Variants in ABCA13 observed in about 807,000 individuals in gnomAD.
The protein encoded by ABCA13 is ATP-binding cassette sub-family A member 13.
A neutral mutation model predicts 478.7 loss-of-function variants in ABCA13; 476 were observed. That is an observed-to-expected ratio of 0.99 (90% CI 0.92 to 1.07). The LOEUF is 1.07. ABCA13 is among the 50% of genes least tolerant of loss of function. The probability of loss-of-function intolerance (pLI) is 0.00; values close to 1 mark genes in which losing one functional copy is unlikely to be tolerated. For missense variants in ABCA13, 6,060 were observed against 5,910.6 expected, an observed-to-expected ratio of 1.03 and a Z score of -0.83; for synonymous variants, 2,252 against 2,158.9, an observed-to-expected ratio of 1.04 and a Z score of -1.20.
chr7:48,173,003 G>A (rs987251872), intron 1 of ABCA13, among the ~76,000 whole-genome samples: 2 of 151,924 alleles, frequency 1.3e-5, no homozygotes, highest in African/African-American at 2.4e-5. Flanking sequence ...GTGGAAGTTG[G>A]TTCCCAGGCA....
chr7:48,403,696 G>A lies in ABCA13; in HGVS notation c.11887G>A (p.Val3963Met), dbSNP rs774739412. 7 of 1,613,946 alleles carry A rather than the reference G, an allele frequency of 4.3e-6. No individual in the cohort carries two copies. The East Asian group carries it at 1.6e-4, about 36-fold the overall frequency. Residue 3963 changes from valine (V) to methionine (M), a missense_variant, in exon 39 of 62, where the codon GTG becomes ATG. Val to Met is a conservative substitution (Grantham distance 21). This residue lies in a region of ABCA13 where 1,627 missense variants were observed against 1,571.0 expected (regional missense o/e 1.04). Transcript: ENST00000435803. Reference sequence around the variant, plus strand: ...TTCTAATTTCAGAACTCTTCAGGATGTGGACTTAACTCAGCATCAGCACAA... The same window carrying A: ...TTCTAATTTCAGAACTCTTCAGGATATGGACTTAACTCAGCATCAGCACAA... ...HQQVNQTLQDVDLTQHQHKQT... is the reference protein window; with the variant it reads ...HQQVNQTLQDMDLTQHQHKQT...
rs567882474 is a variant in ABCA13, at chr7:48,364,619, G to T, written c.10689-3175G>T. ...ACTACTCTACTTTCTACCTCAATGA[G>T]TTCATTTTATTTTTAGCTCCCACGT... is the stretch of plus-strand genomic sequence containing the variant. On this transcript the variant is annotated intron_variant, in intron 31 of 61. Transcript: ENST00000435803. Among the ~76,000 whole-genome samples, 5 of 152,054 alleles carry T rather than the reference G, an allele frequency of 3.3e-5. No individual in the cohort carries two copies. In the East Asian group the frequency reaches 9.7e-4, roughly 29 times the overall value.
chr7:48,624,515 G>T (rs1793474843), intron 59 of ABCA13, among the ~76,000 whole-genome samples: 2 of 130,754 alleles, frequency 1.5e-5, no homozygotes, highest in African/African-American at 6.2e-5. Context: ...GAGGATAAAG[G>T]CTGTGTATTT....
At chr7:48,387,241 G>A (rs1387481286) in intron 35 of ABCA13, among the ~76,000 whole-genome samples, 3 of 152,050 alleles carry the variant, frequency 2.0e-5, no homozygotes, top group Non-Finnish European at 4.4e-5. Flanking sequence ...TGTTAATAAT[G>A]AAATCCCTTT....
intron 27 of ABCA13, among the ~76,000 whole-genome samples, chr7:48,332,419 A>G (rs926200653): frequency 6.6e-6 from 1 of 152,224 alleles, no homozygotes; most frequent in African/African-American, 2.4e-5. Context: ...TTACCACTTC[A>G]AACCAGGTAT....
At position 48,387,973 on chromosome 7, in the gene ABCA13, A is replaced by C. The variant is rs900655406; in HGVS notation, c.11473+14A>C. 6.3e-6 allele frequency: 10 copies of C among 1,591,342 alleles called. No individual in the cohort carries two copies. The highest frequency in any genetic ancestry group is 7.7e-6 in the Non-Finnish European group (9 of 1,173,158). On this transcript the variant is annotated intron_variant, in intron 36 of 61. Coordinates refer to ENST00000435803, the MANE Select transcript of ABCA13 (RefSeq NM_152701.5). Reference sequence around the variant, plus strand: ...TTGACAATAAAGGTTTGTAAGGAGTAGAATTATTAGATGCATGTATTTTTC... The same window carrying C: ...TTGACAATAAAGGTTTGTAAGGAGTCGAATTATTAGATGCATGTATTTTTC...
At chr7:48,268,485 T>G (rs1377612736) in intron 15 of ABCA13, among the ~76,000 whole-genome samples, 1 of 152,174 alleles carries the variant, frequency 6.6e-6, no homozygotes, top group Non-Finnish European at 1.5e-5. Flanking sequence ...GGTGTTTTCT[T>G]CCATGGTCTC....
chr7:48,607,533 G>A (rs1251661321), intron 58 of ABCA13, among the ~76,000 whole-genome samples: 3 of 152,184 alleles, frequency 2.0e-5, no homozygotes, highest in East Asian at 1.9e-4. Flanking sequence ...CTTGGTTTTC[G>A]TTAGTTCTTT....
chr7:48,300,485 C>T (rs544012032), intron 23 of ABCA13, among the ~76,000 whole-genome samples: 123 of 152,244 alleles, frequency 8.1e-4, no homozygotes, highest in Non-Finnish European at 1.5e-3. Context: ...AAATAGAACA[C>T]AACAATGAGG....
At chr7:48,554,585 T>C (rs924409445) in intron 55 of ABCA13, among the ~76,000 whole-genome samples, 2 of 151,784 alleles carry the variant, frequency 1.3e-5, no homozygotes, top group Non-Finnish European at 3.0e-5. Context: ...TATTTGTGGT[T>C]ATATTAAATG....
At chr7:48,624,875 T>G (rs1216129779) in intron 59 of ABCA13, among the ~76,000 whole-genome samples, 2 of 152,148 alleles carry the variant, frequency 1.3e-5, no homozygotes, top group Non-Finnish European at 2.9e-5. Context: ...TTTTTCTTTC[T>G]TTCTTTCTTT....
At chr7:48,630,817 G>GTTT (rs55908191) in intron 59 of ABCA13, among the ~76,000 whole-genome samples, 2,275 of 147,490 alleles carry the variant, frequency 0.015, 49 homozygotes, top group African/African-American at 0.052. Context: ...GCCAGCATCT[G>GTTT]TTTTTTTTTT....
chr7:48,314,825 TGAATATGCATGATAGGTACAAAC>T (rs1802316219), intron 26 of ABCA13, among the ~76,000 whole-genome samples: 1 of 152,130 alleles, frequency 6.6e-6, no homozygotes, highest in African/African-American at 2.4e-5. Context: ...CAGGTACAAG[TGAATATGCATGATAGGTACAAAC>T]GAATATGTCA....
rs375519517 is a variant in ABCA13, at chr7:48,279,011, C to G, written c.7817C>G (p.Pro2606Arg). 1 of 1,613,152 alleles carries G rather than the reference C, an allele frequency of 6.2e-7. No homozygotes were observed. The highest frequency in any genetic ancestry group is 1.3e-5 in the African/African-American group (1 of 74,898). ...DLAFEMIGVE[P>R]YISSNSDIFS... ...GCCTTTGAAATGATTGGGGTAGAAC[C>G]TTATATATCATCAAACTCTGATATT... The change falls in exon 18 of 62, where the codon CCT becomes CGT. Residue 2606 changes from proline (P) to arginine (R), a missense_variant. Coordinates refer to ENST00000435803, the MANE Select transcript of ABCA13 (RefSeq NM_152701.5).
At chr7:48,394,850 C>A (rs891560852) in intron 38 of ABCA13, among the ~76,000 whole-genome samples, 24 of 152,118 alleles carry the variant, frequency 1.6e-4, no homozygotes, top group African/African-American at 5.3e-4. Context: ...CCCTTGAGTT[C>A]AGAAAGAAAC....
chr7:48,349,326 A>G (rs1362689756), intron 29 of ABCA13, among the ~76,000 whole-genome samples: 1 of 152,174 alleles, frequency 6.6e-6, no homozygotes, highest in Non-Finnish European at 1.5e-5. Context: ...GAAACTGTGC[A>G]ATGTAGGTTG....
chr7:48,375,698 A>C (rs996574959), intron 34 of ABCA13, among the ~76,000 whole-genome samples: 1 of 152,146 alleles, frequency 6.6e-6, no homozygotes, highest in Admixed American at 6.5e-5. Flanking sequence ...TAGCCAGTTA[A>C]TTTGTACTGG....
In ABCA13 at chr7:48,338,467, G is replaced by T. The variant is rs1412480585; in HGVS notation, c.10204+12G>T. On this transcript the variant is annotated intron_variant, in intron 29 of 61. Transcript: ENST00000435803. ...ACTCCAGACATACGGTAAGTGTGCT[G>T]ATGGGCATGGTAGTGTTCTTCTGCC... is the stretch of plus-strand genomic sequence containing the variant. 6.4e-7 allele frequency: 1 copy of T among 1,574,158 alleles called. No homozygotes were observed. Among genetic ancestry groups the T allele is most frequent in the Non-Finnish European group, 8.6e-7 (1 of 1,158,258 alleles).
chr7:48,543,325 T>C (rs929578210), intron 55 of ABCA13, among the ~76,000 whole-genome samples: 17 of 151,654 alleles, frequency 1.1e-4, no homozygotes, highest in African/African-American at 3.9e-4. Flanking sequence ...AGACTACAAT[T>C]ACAATACAAA....
Sources: gnomAD v4.1 joint callset for allele counts (sites outside exome capture counted in the v4.1 genomes callset) on GRCh38, gnomAD v4.1.1 for gene constraint, gnomAD v4.1.1 regional missense constraint, MANE v1.5 for transcripts, NCBI Gene and HGNC (gene_info 2026-07-23, HGNC 2026-07-21) for gene names.